Variants in SPOCK3 observed in about 807,000 individuals in gnomAD.
The protein encoded by SPOCK3 is SPARC (osteonectin), cwcv and kazal like domains proteoglycan 3, also known as testican-3.
A neutral mutation model predicts 56.6 loss-of-function variants in SPOCK3; 30 were observed. The ratio of observed to expected loss-of-function variants is 0.53; its 90% CI spans 0.40 to 0.72. The LOEUF (loss-of-function observed/expected upper bound fraction) is 0.72, where lower values mean the gene tolerates loss of function less well. Among genes scored for constraint, SPOCK3 ranks in the 30% least tolerant of loss-of-function variants. The pLI is 0.00. For missense variants in SPOCK3, 527 were observed against 530.0 expected (o/e 0.99, Z 0.06); for synonymous variants, 196 against 183.3 (o/e 1.07, Z -0.56).
chr4:167,156,282 A>T (rs959673908), intron 2 of SPOCK3, among the ~76,000 whole-genome samples: 6 of 152,174 alleles, frequency 3.9e-5, no homozygotes, highest in Middle Eastern at 3.2e-3. Flanking sequence ...TAATGGGAAT[A>T]AGGGTGCAAT....
intron 6 of SPOCK3, among the ~76,000 whole-genome samples, chr4:166,864,029 T>C (rs1018218632): frequency 1.3e-5 from 2 of 152,114 alleles, no homozygotes; most frequent in Non-Finnish European, 2.9e-5. Context: ...GACCACACAA[T>C]TGGAAGTAAA....
chr4:166,936,417 G>A (rs1403014408), intron 4 of SPOCK3, among the ~76,000 whole-genome samples: 2 of 152,038 alleles, frequency 1.3e-5, no homozygotes, highest in African/African-American at 4.8e-5. Context: ...AAACACTTAT[G>A]TCTAGAGATT....
intron 2 of SPOCK3, among the ~76,000 whole-genome samples, chr4:167,068,703 A>AT (rs932027321): frequency 2.6e-5 from 4 of 151,732 alleles, no homozygotes; most frequent in African/African-American, 4.8e-5. Flanking sequence ...TTATGATTTT[A>AT]TTTTTTTCAA....
At chr4:166,797,233 C>CTTTTTTTTTTTTT (rs1028695610) in intron 6 of SPOCK3, among the ~76,000 whole-genome samples, 12 of 80,750 alleles carry the variant, frequency 1.5e-4, no homozygotes, top group African/African-American at 5.2e-4. Context: ...TTCCACCTTT[C>CTTTTTTTTTTTTT]TTTTTTTTTT....
intron 2 of SPOCK3, among the ~76,000 whole-genome samples, chr4:167,159,761 A>C (rs2150436252): frequency 6.6e-6 from 1 of 152,324 alleles, no homozygotes; most frequent in South Asian, 2.1e-4. Context: ...AATGTAATCC[A>C]GCATATAAAC....
intron 3 of SPOCK3, among the ~76,000 whole-genome samples, chr4:167,025,847 T>C (rs548512229): frequency 6.6e-6 from 1 of 152,088 alleles, no homozygotes; most frequent in African/African-American, 2.4e-5. Context: ...GCAAACATCG[T>C]AGAGTGTACT....
intron 4 of SPOCK3, among the ~76,000 whole-genome samples, chr4:166,932,550 T>C (rs1047939627): frequency 7.2e-5 from 11 of 152,184 alleles, no homozygotes; most frequent in African/African-American, 2.4e-4. Flanking sequence ...AGTGAATTCC[T>C]TGGAAGTTGT....
At chr4:167,029,251 C>G (rs1752029554) in intron 3 of SPOCK3, among the ~76,000 whole-genome samples, 1 of 150,886 alleles carries the variant, frequency 6.6e-6, no homozygotes, top group South Asian at 2.1e-4. Context: ...TACTCACATC[C>G]AAGTCACTAT....
chr4:167,227,560 T>C (rs1433574574), intron 2 of SPOCK3, among the ~76,000 whole-genome samples: 4 of 152,024 alleles, frequency 2.6e-5, no homozygotes, highest in Admixed American at 2.6e-4. Flanking sequence ...TCTGTAGCTG[T>C]AGGGAGTTCA....
intron 2 of SPOCK3, among the ~76,000 whole-genome samples, chr4:167,220,166 G>A (rs1173593206): frequency 6.6e-6 from 1 of 152,084 alleles, no homozygotes; most frequent in Admixed American, 6.6e-5. Flanking sequence ...ACGTATGATA[G>A]TAAGTTGTGA....
intron 7 of SPOCK3, among the ~76,000 whole-genome samples, chr4:166,771,204 A>G (rs1487204696): frequency 3.3e-5 from 5 of 151,748 alleles, no homozygotes; most frequent in Admixed American, 3.3e-4. Flanking sequence ...TTATATTTGT[A>G]GCCTCAAAAG....
chr4:166,796,936 A>T (rs532031913), intron 6 of SPOCK3, among the ~76,000 whole-genome samples: 4 of 152,326 alleles, frequency 2.6e-5, no homozygotes, highest in African/African-American at 9.6e-5. Context: ...TGTCCATTAC[A>T]CAAAGAAAAG....
chr4:166,932,887 T>A (rs2150000080), intron 4 of SPOCK3, among the ~76,000 whole-genome samples: 1 of 152,290 alleles, frequency 6.6e-6, no homozygotes, highest in South Asian at 2.1e-4. Flanking sequence ...GGGAAAGATT[T>A]ATTGTGTGTC....
At chr4:166,961,557 A>G (rs962603865) in intron 4 of SPOCK3, among the ~76,000 whole-genome samples, 1 of 152,038 alleles carries the variant, frequency 6.6e-6, no homozygotes, top group Non-Finnish European at 1.5e-5. Flanking sequence ...AAAATTGAAA[A>G]AAAAAAAGCT....
At chr4:166,744,857 C>T (rs896873695) in intron 8 of SPOCK3, among the ~76,000 whole-genome samples, 2 of 151,450 alleles carry the variant, frequency 1.3e-5, no homozygotes, top group Non-Finnish European at 2.9e-5. Context: ...CTTTAGTAGC[C>T]GATTCGATCA....
intron 2 of SPOCK3, among the ~76,000 whole-genome samples, chr4:167,103,683 G>C (rs926048069): frequency 1.3e-5 from 2 of 152,180 alleles, no homozygotes; most frequent in African/African-American, 2.4e-5. Context: ...TGAAGGGAAG[G>C]ACACAAGCCT....
intron 8 of SPOCK3, among the ~76,000 whole-genome samples, chr4:166,744,298 T>A (rs548747102): frequency 1.3e-5 from 2 of 152,230 alleles, no homozygotes; most frequent in Admixed American, 6.5e-5. Context: ...TGTTCTGCAA[T>A]ATTTACTGTT....
At chr4:166,739,519 G>T (rs960967690) in intron 9 of SPOCK3, among the ~76,000 whole-genome samples, 2 of 152,028 alleles carry the variant, frequency 1.3e-5, no homozygotes, top group African/African-American at 2.4e-5. Flanking sequence ...GGGATTACAG[G>T]CATGAGCCGT....
At chr4:167,134,420 T>C (rs1290821811) in intron 2 of SPOCK3, among the ~76,000 whole-genome samples, 1 of 152,110 alleles carries the variant, frequency 6.6e-6, no homozygotes, top group Non-Finnish European at 1.5e-5. Context: ...GGAGGGCAAA[T>C]GGCAAGGAGT....
Sources: allele counts gnomAD v4.1 joint callset (sites outside exome capture counted in the v4.1 genomes callset), GRCh38; gene constraint gnomAD v4.1.1; transcripts MANE v1.5; gene names NCBI Gene and HGNC (gene_info 2026-07-23, HGNC 2026-07-21).